Variants in LRRC7 observed in about 807,000 individuals in gnomAD.
LRRC7 encodes the protein leucine-rich repeat-containing protein 7.
LRRC7 carries 23 observed loss-of-function variants against 175.7 expected under a neutral mutation model. The ratio of observed to expected loss-of-function variants is 0.13; its 90% CI spans 0.09 to 0.19. LRRC7 has a LOEUF of 0.19. Among genes scored for constraint, LRRC7 ranks in the 10% least tolerant of loss-of-function variants. The probability of loss-of-function intolerance (pLI) is 1.00; values close to 1 mark genes in which losing one functional copy is unlikely to be tolerated. For synonymous variants in LRRC7, 685 were observed against 680.9 expected (o/e 1.01, Z -0.09); for missense variants, 1,354 against 1,904.7 (o/e 0.71, Z 5.38).
intron 25 of LRRC7, among the ~76,000 whole-genome samples, 172 bp downstream of exon 25, chr1:70,089,991 G>A (rs905102711): frequency 5.3e-5 from 8 of 152,042 alleles, no homozygotes; most frequent in African/African-American, 7.2e-5. Context: ...TTACTGCAGC[G>A]CTTGACACAT....
chr1:69,793,463 C>G lies in LRRC7; in HGVS notation c.421+1303C>G, dbSNP rs918217244. Among the ~76,000 whole-genome samples, 19 of 152,090 alleles carry G rather than the reference C, an allele frequency of 1.2e-4. 1 individual carries two copies. Among genetic ancestry groups the G allele is most frequent in the African/African-American group, 2.2e-4 (9 of 41,542 alleles). On this transcript the variant is annotated intron_variant, in intron 4 of 26. Coordinates refer to ENST00000651989, the MANE Select transcript of LRRC7 (RefSeq NM_001370785.2). ...GAGCTCCATGACAATATCTCAGTAG[C>G]CTTGTCTCTGTTCATTTGACCAGAA...
intron 2 of LRRC7, among the ~76,000 whole-genome samples, chr1:69,733,031 C>A (rs1667747261): frequency 6.6e-6 from 1 of 151,764 alleles, no homozygotes; most frequent in Admixed American, 6.6e-5. Flanking sequence ...GCAGAAAAGA[C>A]AATTTAAGAA....
At chr1:69,695,614 G>T (rs1446695528) in intron 2 of LRRC7, among the ~76,000 whole-genome samples, 1 of 152,200 alleles carries the variant, frequency 6.6e-6, no homozygotes, top group Non-Finnish European at 1.5e-5. Flanking sequence ...AATCTTTGAG[G>T]CAGACCCTCC....
At chr1:69,666,050 T>A (rs1658222245) in intron 1 of LRRC7, among the ~76,000 whole-genome samples, 1 of 152,148 alleles carries the variant, frequency 6.6e-6, no homozygotes, top group Non-Finnish European at 1.5e-5. Context: ...TCGAATGTTA[T>A]CAAATGCTTC....
At chr1:70,047,028 T>G (rs142808264) in intron 22 of LRRC7, among the ~76,000 whole-genome samples, 1 of 152,286 alleles carries the variant, frequency 6.6e-6, no homozygotes, top group Non-Finnish European at 1.5e-5. Flanking sequence ...ATAACATGTT[T>G]ATCTTTCTAC....
intron 7 of LRRC7, among the ~76,000 whole-genome samples, chr1:69,879,229 A>AAC (rs1231388487): frequency 3.4e-5 from 5 of 146,354 alleles, no homozygotes; most frequent in Non-Finnish European, 6.1e-5. Flanking sequence ...AAAAAAAAAA[A>AAC]AAAAAAAGAC....
chr1:69,867,671 G>T (rs1013232478), intron 7 of LRRC7, among the ~76,000 whole-genome samples: 9 of 152,120 alleles, frequency 5.9e-5, no homozygotes, highest in African/African-American at 1.9e-4. Context: ...AAGATACAAG[G>T]TATGCTTAGG....
Position 70,051,758 on chromosome 1 carries a change from C to G in LRRC7, c.4111-1268C>G, listed in dbSNP as rs559210801. Among the ~76,000 whole-genome samples the G allele has an allele frequency of 4.2e-4, 64 of 151,702 alleles. No individual in the cohort carries two copies. The South Asian group carries it at 0.01, about 24-fold the overall frequency. On this transcript the variant is annotated intron_variant, in intron 22 of 26. Transcript: ENST00000651989. ...TAATTTTCATTATATCCATTAGATC[C>G]TAGGAAGACTTCATCTAGTGTCATA...
chr1:69,797,004 T>C (rs1410170914), intron 4 of LRRC7, among the ~76,000 whole-genome samples: 4 of 152,186 alleles, frequency 2.6e-5, no homozygotes, highest in Non-Finnish European at 4.4e-5. Flanking sequence ...ACCCTTGAGA[T>C]TAGAAGCTAT....
At position 70,127,780 on chromosome 1, in the gene LRRC7, T is replaced by C. The variant is rs1666507170; in HGVS notation, c.*5893T>C. Among the ~76,000 whole-genome samples the C allele has an allele frequency of 6.6e-6, 1 of 152,224 alleles. No individual in the cohort carries two copies. Among genetic ancestry groups the C allele is most frequent in the Admixed American group, 6.5e-5 (1 of 15,278 alleles). On this transcript the variant is annotated 3_prime_UTR_variant, in exon 27 of 27. Transcript: ENST00000651989. ...CAGCACCTCAAAAGGTGGAAGGTTG[T>C]GAAATTCACGCAGCATTTATGTAAA... is the stretch of plus-strand genomic sequence containing the variant.
intron 8 of LRRC7, among the ~76,000 whole-genome samples, chr1:69,960,720 C>A: frequency 6.6e-6 from 1 of 151,536 alleles, no homozygotes; most frequent in African/African-American, 2.4e-5. Flanking sequence ...GAACTAAAGA[C>A]AAAAACCATA....
intron 7 of LRRC7, among the ~76,000 whole-genome samples, chr1:69,859,454 C>G (rs1684126863): frequency 6.6e-6 from 1 of 151,802 alleles, no homozygotes; most frequent in Non-Finnish European, 1.5e-5. Context: ...ATTTATGATC[C>G]CAAAATCCAA....
chr1:70,036,058 C>A, intron 18 of LRRC7, 63 bp from the exon 19 acceptor site: 3 of 1,262,760 alleles, frequency 2.4e-6, no homozygotes, highest in Non-Finnish European at 3.3e-6. Flanking sequence ...AAAGATACTG[C>A]CACTTTGGTT....
intron 7 of LRRC7, among the ~76,000 whole-genome samples, chr1:69,929,383 AC>A (rs1647196902): frequency 6.6e-6 from 1 of 151,978 alleles, no homozygotes; most frequent in African/African-American, 2.4e-5. Flanking sequence ...TCTACCCAAA[AC>A]CCTGCTCCAC....
intron 11 of LRRC7, among the ~76,000 whole-genome samples, chr1:70,010,504 G>T (rs1656407439): frequency 6.6e-6 from 1 of 152,134 alleles, no homozygotes; most frequent in Non-Finnish European, 1.5e-5. Flanking sequence ...AGTGGGGGTT[G>T]CAGTGAGCTG....
rs1657449932 is a variant in LRRC7 at position 70,021,134 on chromosome 1, A to G, written c.1545+5A>G. 12 of 1,606,932 alleles carry G rather than the reference A, an allele frequency of 7.5e-6. No individual in the cohort carries two copies. The highest frequency in any genetic ancestry group is 1.0e-5 in the Non-Finnish European group (12 of 1,176,676). On this transcript the variant is annotated splice_donor_5th_base_variant and intron_variant, in intron 16 of 26. Coordinates refer to ENST00000651989, the MANE Select transcript of LRRC7 (RefSeq NM_001370785.2). ...GAAAATGCTGGGAAAGTTAAGGTGA[A>G]CCTTTTAGCTTTTGTTTCCTCTTTC...
At chr1:69,909,020 T>C (rs915369587) in intron 7 of LRRC7, among the ~76,000 whole-genome samples, 1 of 151,940 alleles carries the variant, frequency 6.6e-6, no homozygotes, top group African/African-American at 2.4e-5. Flanking sequence ...TTTACCATTA[T>C]GTAATGGCCT....
chr1:70,018,218 A>G (rs1467037809), intron 14 of LRRC7, among the ~76,000 whole-genome samples: 1 of 152,102 alleles, frequency 6.6e-6, no homozygotes, highest in Non-Finnish European at 1.5e-5. Flanking sequence ...TATATCAGGT[A>G]CAAGTACAGT....
chr1:70,096,257 G>A (rs957959281), intron 25 of LRRC7, among the ~76,000 whole-genome samples: 5 of 152,198 alleles, frequency 3.3e-5, no homozygotes, highest in South Asian at 4.1e-4. Flanking sequence ...GATTACAGGC[G>A]TGAGCCACCG....
Sources: allele counts gnomAD v4.1 joint callset (sites outside exome capture counted in the v4.1 genomes callset), GRCh38; gene constraint gnomAD v4.1.1; transcripts MANE v1.5; gene names NCBI Gene and HGNC (gene_info 2026-07-23, HGNC 2026-07-21).